Variants in ACOT12 observed in about 807,000 individuals in gnomAD.
ACOT12 encodes acetyl-coenzyme A thioesterase.
A neutral mutation model predicts 67.7 loss-of-function variants in ACOT12; 51 were observed. The ratio of observed to expected loss-of-function variants is 0.75; its 90% CI spans 0.60 to 0.95. The LOEUF is 0.95. ACOT12 is among the 40% of genes least tolerant of loss of function. The probability of loss-of-function intolerance (pLI) is 0.00; values close to 1 mark genes in which losing one functional copy is unlikely to be tolerated. For missense variants in ACOT12, 734 were observed against 708.1 expected (o/e 1.04, Z -0.41); for synonymous variants, 251 against 244.6 (o/e 1.03, Z -0.24).
intron 1 of ACOT12, among the ~76,000 whole-genome samples, chr5:81,393,652 G>C (rs1203561418): frequency 1.3e-5 from 2 of 152,078 alleles, no homozygotes; most frequent in African/African-American, 2.4e-5. Flanking sequence ...AGGAGGTCGA[G>C]GCTGCAGCGA....
At chr5:81,378,149 T>C (rs907061160) in intron 2 of ACOT12, among the ~76,000 whole-genome samples, 9 of 152,024 alleles carry the variant, frequency 5.9e-5, no homozygotes, top group African/African-American at 2.2e-4. Flanking sequence ...TATAGACCAA[T>C]GGAACAGAAC....
chr5:81,372,281 T>G (rs1051383964), intron 2 of ACOT12, among the ~76,000 whole-genome samples: 1 of 152,224 alleles, frequency 6.6e-6, no homozygotes, highest in Non-Finnish European at 1.5e-5. Context: ...GGTGGTCTAC[T>G]CACTTCCTAC....
chr5:81,373,834 G>A (rs1041968544), intron 2 of ACOT12, among the ~76,000 whole-genome samples: 1 of 152,144 alleles, frequency 6.6e-6, no homozygotes, highest in Non-Finnish European at 1.5e-5. Flanking sequence ...TCCTCTCTGG[G>A]CAGGGCATCT....
chr5:81,381,717 A>C (rs1419720553), intron 2 of ACOT12, among the ~76,000 whole-genome samples: 1 of 152,180 alleles, frequency 6.6e-6, no homozygotes, highest in Non-Finnish European at 1.5e-5. Context: ...CCCAGGGTGA[A>C]ATGGGTCTGT....
At chr5:81,375,301 T>C (rs1424986107) in intron 2 of ACOT12, among the ~76,000 whole-genome samples, 1 of 152,108 alleles carries the variant, frequency 6.6e-6, no homozygotes, top group Non-Finnish European at 1.5e-5. Context: ...TGAGAGACAC[T>C]GTCACCCCCA....
At chr5:81,320,107 C>T in the ACOT12 span, among the ~76,000 whole-genome samples, 1 of 152,168 alleles carries the variant, frequency 6.6e-6, no homozygotes, top group South Asian at 2.1e-4. Flanking sequence ...ACCAAAAATA[C>T]ACCCCCAAAA....
intron 13 of ACOT12, among the ~76,000 whole-genome samples, 198 bp downstream of exon 13, chr5:81,332,279 T>C (rs1469326555): frequency 6.6e-6 from 1 of 152,252 alleles, no homozygotes; most frequent in Admixed American, 6.5e-5. Flanking sequence ...TCTTGCATTG[T>C]CCTTTGCAAA....
rs757681963 is a variant in ACOT12, at chr5:81,360,034, T to C, written c.365A>G (p.His122Arg). 1 of 1,601,294 alleles carries C rather than the reference T, an allele frequency of 6.2e-7. No homozygotes were observed. The highest frequency in any genetic ancestry group is 8.5e-7 in the Non-Finnish European group (1 of 1,177,258). The change falls in exon 5 of 15, where the codon CAT becomes CGT. Residue 122 changes from histidine to arginine, a missense_variant. Physicochemically the swap from His to Arg is conservative, Grantham distance 29 (BLOSUM62 0). Transcript: ENST00000307624. ...VAKPVGKEKIHLKPVTLLTEQ... is the reference protein window; with the variant it reads ...VAKPVGKEKIRLKPVTLLTEQ... ...AGTTAGAAGTGTGACTGGTTTTAAA[T>C]GAATCTAGAGAAAGAAAAGCATTTA...
intron 11 of ACOT12, among the ~76,000 whole-genome samples, chr5:81,342,215 T>G (rs1301798641): frequency 1.3e-5 from 2 of 152,166 alleles, no homozygotes; most frequent in Non-Finnish European, 2.9e-5. Context: ...GGTATCAAAC[T>G]CCTGGCCTCA....
intron 2 of ACOT12, among the ~76,000 whole-genome samples, chr5:81,382,162 T>C (rs1319094128): frequency 6.6e-6 from 1 of 152,204 alleles, no homozygotes; most frequent in Non-Finnish European, 1.5e-5. Flanking sequence ...CCCTAAATTA[T>C]TGCAGTTTAT....
intron 2 of ACOT12, among the ~76,000 whole-genome samples, chr5:81,384,121 T>TA (rs1323077887): frequency 1.2e-4 from 18 of 148,172 alleles, no homozygotes; most frequent in Non-Finnish European, 1.8e-4. Context: ...GGTGTACTTT[T>TA]TTTTTTTTTT....
intron 9 of ACOT12, 52 bp from the exon 10 acceptor site, chr5:81,343,933 C>T (rs926494034): frequency 6.7e-7 from 1 of 1,501,560 alleles, no homozygotes; most frequent in South Asian, 1.1e-5. Context: ...CTGCATTTAG[C>T]ACACAACAAT....
At chr5:81,325,546 C>T (rs999171935), downstream of ACOT12, among the ~76,000 whole-genome samples, 3 of 151,848 alleles carry the variant, frequency 2.0e-5, no homozygotes, top group Non-Finnish European at 2.9e-5. Flanking sequence ...GAATCTAAGC[C>T]GGACAAGGAA....
chr5:81,376,851 C>T (rs985713546), intron 2 of ACOT12, among the ~76,000 whole-genome samples: 2 of 152,082 alleles, frequency 1.3e-5, no homozygotes, highest in African/African-American at 4.8e-5. Context: ...TAATTAATAG[C>T]CTACCAACCA....
chr5:81,361,604 C>T (rs1034437787), intron 4 of ACOT12, among the ~76,000 whole-genome samples: 1 of 152,122 alleles, frequency 6.6e-6, no homozygotes, highest in Non-Finnish European at 1.5e-5. Context: ...CAAGATACCT[C>T]GCATATGTTT....
At chr5:81,389,729 G>A (rs1261154086) in intron 1 of ACOT12, among the ~76,000 whole-genome samples, 1 of 151,954 alleles carries the variant, frequency 6.6e-6, no homozygotes, top group Non-Finnish European at 1.5e-5. Flanking sequence ...ATTTCACCAT[G>A]TTGGCCAGGC....
At chr5:81,382,399 A>G (rs1217581884) in intron 2 of ACOT12, among the ~76,000 whole-genome samples, 1 of 152,184 alleles carries the variant, frequency 6.6e-6, no homozygotes, top group African/African-American at 2.4e-5. Flanking sequence ...AAGGCCAAGG[A>G]GTTATTAAGC....
chr5:81,321,710 G>A, the ACOT12 span, among the ~76,000 whole-genome samples: 4 of 152,172 alleles, frequency 2.6e-5, no homozygotes, highest in Non-Finnish European at 4.4e-5. Context: ...CTTTGGTGGG[G>A]CTGAGGTGGG....
At chr5:81,317,514 AAAAAG>A in the ACOT12 span, among the ~76,000 whole-genome samples, 1 of 152,084 alleles carries the variant, frequency 6.6e-6, no homozygotes, top group Non-Finnish European at 1.5e-5. Context: ...AAAAAAAAAA[AAAAAG>A]AGGTTTAATT....
Sources: allele counts gnomAD v4.1 joint callset (sites outside exome capture counted in the v4.1 genomes callset), GRCh38; gene constraint gnomAD v4.1.1; transcripts MANE v1.5; gene names NCBI Gene and HGNC (gene_info 2026-07-23, HGNC 2026-07-21).